Variants in MECOM observed in about 807,000 individuals in gnomAD.
The protein encoded by MECOM is MDS1 and EVI1 complex locus.
A neutral mutation model predicts 116.3 loss-of-function variants in MECOM; 13 were observed. The ratio of observed to expected loss-of-function variants is 0.11; its 90% CI spans 0.07 to 0.18. The LOEUF is 0.18. Ranked by LOEUF, MECOM falls within the 10% of genes least tolerant of loss-of-function variation. The probability of loss-of-function intolerance (pLI) is 1.00; values close to 1 mark genes in which losing one functional copy is unlikely to be tolerated. For synonymous variants in MECOM, 528 were observed against 535.2 expected (o/e 0.99, Z 0.19); for missense variants, 1,299 against 1,509.0 (o/e 0.86, Z 2.31).
intron 1 of MECOM, among the ~76,000 whole-genome samples, chr3:169,406,849 G>GT (rs1323915641): frequency 0.012 from 1,526 of 127,946 alleles, 15 homozygotes; most frequent in African/African-American, 0.03. Context: ...GTTTTTTTTT[G>GT]TTTTTTTTTT....
At chr3:169,158,267 G>A (rs1166529199) in intron 2 of MECOM, among the ~76,000 whole-genome samples, 4 of 152,170 alleles carry the variant, frequency 2.6e-5, no homozygotes, top group Middle Eastern at 3.2e-3. Context: ...AGTGTTGGAA[G>A]ATTTCAAGAA....
chr3:169,278,365 C>A (rs1328484719), intron 2 of MECOM, among the ~76,000 whole-genome samples: 1 of 152,158 alleles, frequency 6.6e-6, no homozygotes, highest in African/African-American at 2.4e-5. Context: ...TCATTTAGAT[C>A]CAGTCCTAAA....
At chr3:169,275,961 T>A (rs576441315) in intron 2 of MECOM, among the ~76,000 whole-genome samples, 87 of 152,344 alleles carry the variant, frequency 5.7e-4, no homozygotes, top group African/African-American at 2.0e-3. Context: ...TAGGGAATGC[T>A]CACTGGCATA....
At chr3:169,564,433 T>G (rs1762989997) in intron 1 of MECOM, among the ~76,000 whole-genome samples, 1 of 152,188 alleles carries the variant, frequency 6.6e-6, no homozygotes, top group East Asian at 1.9e-4. Flanking sequence ...CTTATTGGGA[T>G]GTAAAATACA....
At chr3:169,290,869 G>A (rs1461237172) in intron 2 of MECOM, among the ~76,000 whole-genome samples, 1 of 152,136 alleles carries the variant, frequency 6.6e-6, no homozygotes, top group Non-Finnish European at 1.5e-5. Context: ...ACTTGGATAT[G>A]GTGGTGGTTT....
chr3:169,643,851 G>A (rs1773801601), intron 1 of MECOM, among the ~76,000 whole-genome samples: 1 of 152,150 alleles, frequency 6.6e-6, no homozygotes, highest in African/African-American at 2.4e-5. Flanking sequence ...TAATTTCTGT[G>A]TAGTGAAAAA....
chr3:169,357,056 G>T (rs1278676255), intron 2 of MECOM, among the ~76,000 whole-genome samples: 5 of 151,770 alleles, frequency 3.3e-5, no homozygotes, highest in Non-Finnish European at 7.4e-5. Context: ...CCGCATTTCT[G>T]TTTCTATTTT....
intron 1 of MECOM, among the ~76,000 whole-genome samples, chr3:169,490,916 G>A (rs1364841634): frequency 6.6e-6 from 1 of 152,030 alleles, no homozygotes; most frequent in Non-Finnish European, 1.5e-5. Flanking sequence ...TAGTGACAGG[G>A]TCTCCTTATG....
intron 2 of MECOM, among the ~76,000 whole-genome samples, chr3:169,259,692 C>T (rs74680565): frequency 2.6e-5 from 4 of 152,196 alleles, no homozygotes; most frequent in African/African-American, 4.8e-5. Context: ...TAGGCCACTA[C>T]AGTCCAGCCT....
intron 2 of MECOM, among the ~76,000 whole-genome samples, chr3:169,228,515 A>G (rs1753008258): frequency 6.6e-6 from 1 of 152,214 alleles, no homozygotes; most frequent in Non-Finnish European, 1.5e-5. Flanking sequence ...GTGAGACTAC[A>G]GTAGACTTTT....
At chr3:169,260,561 T>C (rs1443032675) in intron 2 of MECOM, among the ~76,000 whole-genome samples, 1 of 152,144 alleles carries the variant, frequency 6.6e-6, no homozygotes, top group East Asian at 1.9e-4. Context: ...TTTTTTGGCT[T>C]CACGCTAAAG....
intron 2 of MECOM, among the ~76,000 whole-genome samples, chr3:169,331,737 T>C (rs1413079308): frequency 1.3e-5 from 2 of 152,168 alleles, no homozygotes; most frequent in African/African-American, 4.8e-5. Flanking sequence ...TCTCTCTTTT[T>C]ATTTTAATCT....
Position 169,091,851 on chromosome 3 carries a change from T to C in MECOM, c.3164+1107A>G, listed in dbSNP as rs545850495. Among the ~76,000 whole-genome samples the C allele has an allele frequency of 7.1e-5, 6 of 84,652 alleles. No individual in the cohort carries two copies. The East Asian group carries it at 1.9e-3, about 26-fold the overall frequency. 55.5% of individuals were successfully genotyped at this position (84,652 alleles called of 152,430 possible). On this transcript the variant is annotated intron_variant, in intron 14 of 16. Coordinates refer to ENST00000651503, the MANE Select transcript of MECOM (RefSeq NM_004991.4). ...CCTTGAAAAAATTACATAAAATAAT[T>C]AATTTTGACTTTTGATAACATCAAA... is the stretch of plus-strand genomic sequence containing the variant.
Position 169,127,889 on chromosome 3 carries a change from A to T in MECOM, c.785T>A (p.Ile262Asn). ...SENDLQEIHT[I>N]QECKECDQVF... ...TTGGTCACATTCCTTACACTCCTGG[A>T]TCGTGTGTATCTCTTGGAGATCATT... Residue 262 changes from isoleucine to asparagine, a missense_variant, in exon 5 of 17, where the codon ATC (isoleucine) becomes AAC (asparagine). Ile to Asn is a moderately radical substitution (Grantham distance 149, BLOSUM62 -3). Coordinates refer to ENST00000651503, the MANE Select transcript of MECOM (RefSeq NM_004991.4). The T allele has an allele frequency of 6.2e-7, 1 of 1,614,036 alleles. No homozygotes were observed. Among genetic ancestry groups the T allele is most frequent in the South Asian group, 1.1e-5 (1 of 91,074 alleles).
intron 2 of MECOM, among the ~76,000 whole-genome samples, chr3:169,295,033 A>T (rs1158909101): frequency 6.6e-6 from 1 of 152,194 alleles, no homozygotes; most frequent in East Asian, 1.9e-4. Context: ...TTAAAAAAAA[A>T]TGTTTTCTAT....
intron 2 of MECOM, among the ~76,000 whole-genome samples, chr3:169,332,473 G>C (rs986041027): frequency 6.6e-6 from 1 of 152,058 alleles, no homozygotes; most frequent in Non-Finnish European, 1.5e-5. Flanking sequence ...GTTGTACCAA[G>C]ACAAAAAAAT....
chr3:169,612,550 C>A (rs977423770), intron 1 of MECOM, among the ~76,000 whole-genome samples: 1 of 151,940 alleles, frequency 6.6e-6, no homozygotes, highest in Admixed American at 6.6e-5. Flanking sequence ...TTCCTATAAT[C>A]TAAAAATCAT....
At chr3:169,101,540 T>C (rs1185850008) in intron 11 of MECOM, among the ~76,000 whole-genome samples, 3 of 149,546 alleles carry the variant, frequency 2.0e-5, no homozygotes, top group African/African-American at 5.0e-5. Context: ...TTTCTAAAGA[T>C]GATTCAGAAA....
intron 1 of MECOM, among the ~76,000 whole-genome samples, chr3:169,575,322 T>C (rs750834812): frequency 2.0e-5 from 3 of 152,174 alleles, no homozygotes; most frequent in Admixed American, 6.5e-5. Context: ...ATCTAAGCCA[T>C]CTGTCTTTCC....
Sources: allele counts gnomAD v4.1 joint callset (sites outside exome capture counted in the v4.1 genomes callset), GRCh38; gene constraint gnomAD v4.1.1; transcripts MANE v1.5; gene names NCBI Gene and HGNC (gene_info 2026-07-23, HGNC 2026-07-21).